NHSL1: variants seen among roughly 807,000 people sequenced by gnomAD.
NHSL1 encodes NHS-like protein 1.
In NHSL1, 48 loss-of-function variants were observed where a neutral mutation model predicts 95.0. The observed-to-expected ratio is 0.51, with a 90% CI of 0.40 to 0.64. The LOEUF is 0.64. Among genes scored for constraint, NHSL1 ranks in the 30% least tolerant of loss-of-function variants. NHSL1 has a pLI of 0.00. For missense variants in NHSL1, 1,971 were observed against 2,077.7 expected, an observed-to-expected ratio of 0.95 and a Z score of 1.00; for synonymous variants, 783 against 833.9, an observed-to-expected ratio of 0.94 and a Z score of 1.05.
chr6:138,559,486 C>T (rs560000203), intron 1 of NHSL1, among the ~76,000 whole-genome samples: 2 of 152,268 alleles, frequency 1.3e-5, no homozygotes, highest in East Asian at 1.9e-4. Flanking sequence ...TGGATGAATG[C>T]GTAGGTGGCT....
intron 1 of NHSL1, among the ~76,000 whole-genome samples, chr6:138,677,575 T>C (rs927100705): frequency 2.6e-5 from 4 of 152,182 alleles, no homozygotes; most frequent in African/African-American, 7.2e-5. Flanking sequence ...CTTAAGCCTT[T>C]AAAGTACTGT....
intron 1 of NHSL1, among the ~76,000 whole-genome samples, chr6:138,690,981 G>T (rs1219661483): frequency 6.6e-6 from 1 of 152,178 alleles, no homozygotes; most frequent in African/African-American, 2.4e-5. Flanking sequence ...TCCCACAATA[G>T]ATCAGTTCAC....
At position 138,473,376 on chromosome 6, in the gene NHSL1, G is replaced by C; in HGVS notation, c.269C>G (p.Pro90Arg). Residue 90 changes from proline (P) to arginine (R), a missense_variant, in exon 3 of 8, where the codon CCC becomes CGC. Pro to Arg is a moderately radical substitution (Grantham distance 103). Coordinates refer to ENST00000343505, the MANE Select transcript of NHSL1 (RefSeq NM_001144060.2). Reference protein sequence around the residue: ...YRSSQYYSQGPTFAANASPFC... With the variant: ...YRSSQYYSQGRTFAANASPFC... ...TGGGCTGGCGTTGGCCGCAAAGGTG[G>C]GTCCCTGAGAGTAGTACTGAGAACT... is the stretch of plus-strand genomic sequence containing the variant. 6.5e-7 allele frequency: 1 copy of C among 1,548,606 alleles called. No individual in the cohort carries two copies. The highest frequency in any genetic ancestry group is 2.5e-5 in the East Asian group (1 of 40,728).
chr6:138,490,643 CT>C (rs1022350194), intron 2 of NHSL1, among the ~76,000 whole-genome samples: 70 of 148,708 alleles, frequency 4.7e-4, no homozygotes, highest in African/African-American at 1.4e-3. Context: ...AATCATTCTC[CT>C]TTTTTTTTTG....
rs535686580 is a variant in NHSL1, at chr6:138,497,566, CA to C, written c.59-1196del. Among the ~76,000 whole-genome samples, 149 of 152,310 alleles carry C rather than the reference CA, an allele frequency of 9.8e-4. 1 individual carries two copies. Among genetic ancestry groups the C allele is most frequent in the African/African-American group, 3.5e-3 (144 of 41,564 alleles). Reference sequence around the variant, plus strand: ...GCATAAACTATTAAATCCATTTGAGCACATCTAAAATTCACTAAACATACTC... The same window carrying C: ...GCATAAACTATTAAATCCATTTGAGCCATCTAAAATTCACTAAACATACTC... On this transcript the variant is annotated intron_variant, in intron 1 of 7. Transcript: ENST00000343505.
At chr6:138,586,662 C>G (rs1014181978) in intron 1 of NHSL1, among the ~76,000 whole-genome samples, 1 of 152,140 alleles carries the variant, frequency 6.6e-6, no homozygotes, top group Non-Finnish European at 1.5e-5. Flanking sequence ...CTAGAGAAAT[C>G]AATAGTCTCA....
intron 5 of NHSL1, among the ~76,000 whole-genome samples, chr6:138,438,651 TTTTC>T (rs1167187295): frequency 6.6e-5 from 10 of 151,342 alleles, no homozygotes; most frequent in African/African-American, 2.4e-4. Context: ...TATTTATACT[TTTTC>T]TTTTATTAAT....
At chr6:138,605,650 T>G (rs1323403698) in intron 1 of NHSL1, among the ~76,000 whole-genome samples, 1 of 152,206 alleles carries the variant, frequency 6.6e-6, no homozygotes, top group Non-Finnish European at 1.5e-5. Context: ...CAGGCACAAA[T>G]ATAAAGGCAA....
chr6:138,471,314 A>G (rs560006964), intron 3 of NHSL1, among the ~76,000 whole-genome samples: 1 of 152,338 alleles, frequency 6.6e-6, no homozygotes, highest in African/African-American at 2.4e-5. Flanking sequence ...ACTGGGCCCC[A>G]CTATAAACTT....
intron 1 of NHSL1, among the ~76,000 whole-genome samples, chr6:138,527,157 C>A (rs1205807651): frequency 6.6e-6 from 1 of 152,004 alleles, no homozygotes; most frequent in African/African-American, 2.4e-5. Context: ...ATCCTATTGA[C>A]ATATGAGGTC....
chr6:138,544,571 C>T (rs1003989004), intron 1 of NHSL1, among the ~76,000 whole-genome samples: 2 of 152,154 alleles, frequency 1.3e-5, no homozygotes, highest in Non-Finnish European at 2.9e-5. Flanking sequence ...ACAGAATCCA[C>T]GTCTATACCT....
intron 3 of NHSL1, among the ~76,000 whole-genome samples, chr6:138,468,808 C>T (rs1778562118): frequency 6.6e-6 from 1 of 152,180 alleles, no homozygotes; most frequent in South Asian, 2.1e-4. Context: ...CCTAACAATG[C>T]ATTTCTCAGC....
chr6:138,488,686 A>G lies in NHSL1; in HGVS notation c.211+7533T>C, dbSNP rs930567314. Reference sequence around the variant, plus strand: ...ACCACCTTTAGGCAACGATGAGCCAATTTGCATTTCTAAATTAACTGGCTA... The same window carrying G: ...ACCACCTTTAGGCAACGATGAGCCAGTTTGCATTTCTAAATTAACTGGCTA... On this transcript the variant is annotated intron_variant, in intron 2 of 7. Coordinates refer to ENST00000343505, the MANE Select transcript of NHSL1 (RefSeq NM_001144060.2). Among the ~76,000 whole-genome samples, 6 of 152,198 alleles carry G rather than the reference A, an allele frequency of 3.9e-5. No individual in the cohort carries two copies. The East Asian group carries it at 1.2e-3, about 29-fold the overall frequency.
intron 1 of NHSL1, among the ~76,000 whole-genome samples, chr6:138,544,153 T>A (rs1782691869): frequency 6.6e-6 from 1 of 152,160 alleles, no homozygotes; most frequent in Non-Finnish European, 1.5e-5. Flanking sequence ...TATCATTGGA[T>A]TGTAATGATT....
chr6:138,462,744 C>A (rs1778081387), intron 3 of NHSL1, among the ~76,000 whole-genome samples: 1 of 152,126 alleles, frequency 6.6e-6, no homozygotes, highest in Admixed American at 6.5e-5. Flanking sequence ...TGAAATATAC[C>A]TTGGCGTTCT....
rs553817418 is a variant in NHSL1, at chr6:138,584,385, C to G, written c.97-88014G>C. 5.3e-5 allele frequency among the ~76,000 whole-genome samples: 8 copies of G among 152,204 alleles called. No homozygotes were observed. In the South Asian group the frequency reaches 1.7e-3, roughly 32 times the overall value. Reference sequence around the variant, plus strand: ...TTAAAACTTAAAAAATTTAAGATGACTTTATCTTTGTATGTTTTTCTCTTC... The same window carrying G: ...TTAAAACTTAAAAAATTTAAGATGAGTTTATCTTTGTATGTTTTTCTCTTC... On this transcript the variant is annotated intron_variant, in intron 1 of 3. Coordinates refer to the NHSL1 transcript ENST00000491526.
intron 1 of NHSL1, among the ~76,000 whole-genome samples, chr6:138,635,328 T>C (rs964362736): frequency 2.0e-5 from 3 of 152,038 alleles, no homozygotes; most frequent in African/African-American, 7.2e-5. Context: ...AAGATCCAAA[T>C]GAATAAAATC....
chr6:138,423,967 A>G lies in NHSL1; in HGVS notation c.*114T>C. Reference sequence around the variant, plus strand: ...GGCTGGCAACCCCGGGGCCCACAGCACAGAAGCAGAGTGGGCTCCCCGGGT... The same window carrying G: ...GGCTGGCAACCCCGGGGCCCACAGCGCAGAAGCAGAGTGGGCTCCCCGGGT... On this transcript the variant is annotated 3_prime_UTR_variant, in exon 8 of 8. Coordinates refer to ENST00000343505, the MANE Select transcript of NHSL1 (RefSeq NM_001144060.2). The G allele has an allele frequency of 8.8e-7, 1 of 1,135,528 alleles. No individual in the cohort carries two copies. The highest frequency in any genetic ancestry group is 1.1e-6 in the Non-Finnish European group (1 of 888,536). 70.3% of individuals were successfully genotyped at this position (1,135,528 alleles called of 1,614,324 possible).
At chr6:138,650,295 A>C (rs1266999753) in intron 1 of NHSL1, 1 of 711,644 alleles carries the variant, frequency 1.4e-6, no homozygotes, top group Admixed American at 1.8e-5. Flanking sequence ...CTGGCCCTAC[A>C]TACTCAGGTA....
Sources: gnomAD v4.1 joint callset for allele counts (sites outside exome capture counted in the v4.1 genomes callset) on GRCh38, gnomAD v4.1.1 for gene constraint, MANE v1.5 for transcripts, NCBI Gene and HGNC (gene_info 2026-07-23, HGNC 2026-07-21) for gene names.